CRYBA4: variants seen among roughly 807,000 people sequenced by gnomAD.
CRYBA4 encodes crystallin beta A4.
Under a neutral mutation model 31.7 loss-of-function variants are expected in CRYBA4, and 30 were observed. The observed-to-expected ratio is 0.95, with a 90% CI of 0.71 to 1.28. The LOEUF (loss-of-function observed/expected upper bound fraction) is 1.28, where lower values mean the gene tolerates loss of function less well. CRYBA4 is among the 50% of genes most tolerant of loss of function. CRYBA4 has a pLI of 0.00. For missense variants in CRYBA4, 225 were observed against 260.7 expected, an observed-to-expected ratio of 0.86 and a Z score of 0.94; for synonymous variants, 102 against 102.3, an observed-to-expected ratio of 1.00 and a Z score of 0.02.
the CRYBA4 span, chr22:26,607,932 C>T: frequency 6.2e-7 from 1 of 1,614,236 alleles, no homozygotes; most frequent in Non-Finnish European, 8.5e-7. Flanking sequence ...ACTGCGGTAG[C>T]TGCTCGACCA....
chr22:26,610,654 A>G, the CRYBA4 span, among the ~76,000 whole-genome samples: 1 of 152,124 alleles, frequency 6.6e-6, no homozygotes, highest in African/African-American at 2.4e-5. Flanking sequence ...AGTTGGCTAA[A>G]TTCACCGGGC....
At chr22:26,616,370 ACC>A in the CRYBA4 span, 1 of 1,487,772 alleles carries the variant, frequency 6.7e-7, no homozygotes, top group Non-Finnish European at 9.3e-7. Flanking sequence ...CAGGGATGAC[ACC>A]CCCAAACTGC....
At chr22:26,606,897 A>G in the CRYBA4 span, among the ~76,000 whole-genome samples, 3 of 152,188 alleles carry the variant, frequency 2.0e-5, no homozygotes, top group Non-Finnish European at 4.4e-5. Context: ...ACTTGGAGAT[A>G]TCGCCACCAT....
chr22:26,622,885 CTG>C (rs1716000164), intron 2 of CRYBA4, among the ~76,000 whole-genome samples: 1 of 152,180 alleles, frequency 6.6e-6, no homozygotes, highest in African/African-American at 2.4e-5. Flanking sequence ...TTGACCATCT[CTG>C]TGTGTGTTTG....
chr22:26,609,283 A>G, the CRYBA4 span, among the ~76,000 whole-genome samples: 1 of 152,224 alleles, frequency 6.6e-6, no homozygotes, highest in African/African-American at 2.4e-5. Context: ...ACCACACTGG[A>G]GTAAATTAAA....
the CRYBA4 span, among the ~76,000 whole-genome samples, chr22:26,606,352 T>C: frequency 1.3e-5 from 2 of 152,252 alleles, no homozygotes; most frequent in Non-Finnish European, 2.9e-5. Context: ...ATGATATCAA[T>C]GCATTGTTGA....
Position 26,621,981 on chromosome 22 carries a change from A to C in CRYBA4, c.-18A>C. The stretch of plus-strand genomic sequence containing the variant: ...CAGATCTGACATGTTCCCTGGGCCT[A>C]TCTCGGTAAGTCCCAGGTTTGGAGG... On this transcript the variant is annotated 5_prime_UTR_variant, in exon 1 of 6. Coordinates refer to ENST00000354760, the MANE Select transcript of CRYBA4 (RefSeq NM_001886.3). 1.0e-6 allele frequency: 1 copy of C among 985,746 alleles called. No individual in the cohort carries two copies. The highest frequency in any genetic ancestry group is 1.2e-6 in the Non-Finnish European group (1 of 830,168). 61.1% of individuals were successfully genotyped at this position (985,746 alleles called of 1,614,324 possible).
At chr22:26,592,996 T>G in the CRYBA4 span, among the ~76,000 whole-genome samples, 9 of 152,204 alleles carry the variant, frequency 5.9e-5, no homozygotes, top group Non-Finnish European at 1.2e-4. Context: ...GGTCTCAATC[T>G]GTCTGTCACC....
At chr22:26,615,848 T>C in the CRYBA4 span, among the ~76,000 whole-genome samples, 2 of 152,250 alleles carry the variant, frequency 1.3e-5, no homozygotes, top group South Asian at 4.1e-4. Flanking sequence ...CCCCTGGCTA[T>C]TTTATGGGCT....
At chr22:26,608,570 T>C in the CRYBA4 span, among the ~76,000 whole-genome samples, 1 of 152,252 alleles carries the variant, frequency 6.6e-6, no homozygotes, top group Non-Finnish European at 1.5e-5. Context: ...ATTGTTAATT[T>C]TGTATGGATA....
intron 3 of CRYBA4, among the ~76,000 whole-genome samples, chr22:26,624,916 A>G (rs1406542286): frequency 6.6e-6 from 1 of 152,206 alleles, no homozygotes; most frequent in Non-Finnish European, 1.5e-5. Context: ...CAGAGTGGCC[A>G]GAGAGGCAGA....
At chr22:26,602,319 C>T in the CRYBA4 span, among the ~76,000 whole-genome samples, 1 of 152,094 alleles carries the variant, frequency 6.6e-6, no homozygotes, top group Admixed American at 6.5e-5. Context: ...TGCCATGGCT[C>T]ATGTCTGTAA....
the CRYBA4 span, among the ~76,000 whole-genome samples, chr22:26,591,146 G>A: frequency 3.3e-5 from 5 of 151,900 alleles, no homozygotes; most frequent in African/African-American, 9.7e-5. Flanking sequence ...CGAGGCGGGC[G>A]GATCACTTGA....
rs936143256 is a variant in CRYBA4 at position 26,630,658 on chromosome 22, G to C, written c.*171G>C. On this transcript the variant is annotated 3_prime_UTR_variant, in exon 6 of 6. Transcript: ENST00000354760. ...AAAAAACTCAAACGAATAAAAAAGAGAAAGTCTGGTATTAGTTGTGCTTTT... is the reference window on the plus strand; with the variant it reads ...AAAAAACTCAAACGAATAAAAAAGACAAAGTCTGGTATTAGTTGTGCTTTT... 8.2e-6 allele frequency: 5 copies of C among 609,342 alleles called. No homozygotes were observed. Among genetic ancestry groups the C allele is most frequent in the African/African-American group, 3.7e-5 (2 of 54,142 alleles). 37.7% of individuals were successfully genotyped at this position (609,342 alleles called of 1,614,324 possible).
chr22:26,594,321 C>T, the CRYBA4 span, among the ~76,000 whole-genome samples: 1 of 152,182 alleles, frequency 6.6e-6, no homozygotes, highest in Non-Finnish European at 1.5e-5. Flanking sequence ...TTATCAGCAT[C>T]TCATGCTGGC....
the CRYBA4 span, among the ~76,000 whole-genome samples, chr22:26,602,995 G>C: frequency 6.6e-6 from 1 of 151,602 alleles, no homozygotes; most frequent in African/African-American, 2.4e-5. Context: ...CGTGGTGGTG[G>C]GAGCCTGTAG....
the CRYBA4 span, chr22:26,616,444 A>C: frequency 2.6e-6 from 2 of 763,920 alleles, no homozygotes; most frequent in Non-Finnish European, 4.5e-6. Flanking sequence ...TTTCCTCTCT[A>C]TCTCCTTCTG....
intron 2 of CRYBA4, among the ~76,000 whole-genome samples, chr22:26,623,015 T>G (rs1431804655): frequency 1.3e-5 from 2 of 152,256 alleles, no homozygotes; most frequent in Non-Finnish European, 2.9e-5. Context: ...GCATTCCCAC[T>G]TGGCAACCAT....
In CRYBA4 at chr22:26,623,607, A is replaced by G. The variant is rs73880137; in HGVS notation, c.158+255A>G. ...GTTCTGCAGGAGATCCTTAGAATCCAGTGTTGGATCTAAAAATGTCCCTCC... is the reference window on the plus strand; with the variant it reads ...GTTCTGCAGGAGATCCTTAGAATCCGGTGTTGGATCTAAAAATGTCCCTCC... On this transcript the variant is annotated intron_variant, in intron 3 of 5. Coordinates refer to ENST00000354760, the MANE Select transcript of CRYBA4 (RefSeq NM_001886.3). Among the ~76,000 whole-genome samples, 290 of 152,294 alleles carry G rather than the reference A, an allele frequency of 1.9e-3. 1 individual carries two copies. The highest frequency in any genetic ancestry group is 6.7e-3 in the African/African-American group (280 of 41,546).
Sources: allele counts gnomAD v4.1 joint callset (sites outside exome capture counted in the v4.1 genomes callset), GRCh38; gene constraint gnomAD v4.1.1; transcripts MANE v1.5; gene names NCBI Gene and HGNC (gene_info 2026-07-23, HGNC 2026-07-21).